BTD: variants seen among roughly 807,000 people sequenced by gnomAD.
BTD encodes biocytinase.
In BTD, 13 loss-of-function variants were observed where a neutral mutation model predicts 17.7. The ratio of observed to expected loss-of-function variants is 0.74; its 90% confidence interval spans 0.48 to 1.17. BTD has a LOEUF of 1.17. BTD is among the 50% of genes most tolerant of loss of function. The pLI is 0.00. For synonymous variants in BTD, 240 were observed against 245.2 expected (o/e 0.98, Z 0.20); for missense variants, 674 against 650.4 (o/e 1.04, Z -0.39).
chr3:15,676,694 C>G, intron 3 of BTD: 1 of 274,188 alleles, frequency 3.6e-6, no homozygotes, highest in South Asian at 4.8e-5. Context: ...ACAGAATACA[C>G]AAAATAGTAC....
At chr3:15,709,826 T>C (rs970891934) in intron 3 of BTD, 21 of 747,542 alleles carry the variant, frequency 2.8e-5, no homozygotes, top group Non-Finnish European at 4.3e-5. Context: ...AGCATGTTTT[T>C]ATATGAAGAT....
chr3:15,665,154 AAC>A (rs1401634039), intron 3 of BTD, among the ~76,000 whole-genome samples: 3 of 152,226 alleles, frequency 2.0e-5, no homozygotes, highest in Non-Finnish European at 2.9e-5. Context: ...AATGAGAAGT[AAC>A]ACAAAAAGAG....
intron 3 of BTD, chr3:15,678,470 G>A: frequency 2.2e-6 from 2 of 918,286 alleles, no homozygotes; most frequent in South Asian, 2.2e-5. Flanking sequence ...GGCTACAAAA[G>A]CACTGCCTGT....
intron 3 of BTD, among the ~76,000 whole-genome samples, chr3:15,692,463 TAAATAAA>T (rs2125847632): frequency 6.6e-6 from 1 of 151,922 alleles, no homozygotes; most frequent in African/African-American, 2.4e-5. Flanking sequence ...ACAGCAAAAA[TAAATAAA>T]AAATAAAAAT....
At chr3:15,721,254 G>C (rs2073693958) in intron 4 of BTD, 4 of 754,604 alleles carry the variant, frequency 5.3e-6, no homozygotes, top group Non-Finnish European at 4.4e-6. Flanking sequence ...GATAAGTACA[G>C]AGATAAGGCT....
rs775790954 is a variant in BTD at position 15,601,912 on chromosome 3, T to TGCGGC, written c.-17+23_-17+27dup. 19 of 1,612,962 alleles carry TGCGGC rather than the reference T, an allele frequency of 1.2e-5. No individual in the cohort carries two copies. The Admixed American group carries it at 3.2e-4, about 27-fold the overall frequency. ...AAGAGCAGGTACGGAGGGGGCGTGG[T>TGCGGC]GCGGCGCGGAGGGGGTGTGGTAAGG... On this transcript the variant is annotated intron_variant, in intron 1 of 3. Coordinates refer to ENST00000643237, the MANE Select transcript of BTD (RefSeq NM_001370658.1).
intron 1 of BTD, chr3:15,631,526 T>C (rs1163133765): frequency 6.7e-7 from 1 of 1,484,484 alleles, no homozygotes; most frequent in African/African-American, 1.4e-5. Context: ...TGTAAAAATA[T>C]CTAGTGATTG....
chr3:15,619,497 C>G (rs62240760), intron 1 of BTD, among the ~76,000 whole-genome samples: 6 of 152,142 alleles, frequency 3.9e-5, no homozygotes, highest in Non-Finnish European at 7.4e-5. Context: ...ACCTTTCATA[C>G]CTGAGATAAA....
In BTD at chr3:15,635,015, A is replaced by AGTGTGTTT. The variant is rs58679283; in HGVS notation, c.-16-407_-16-406insGTGTTTGT. Among the ~76,000 whole-genome samples the AGTGTGTTT allele has an allele frequency of 0.37, 55,564 of 151,782 alleles. 11,650 individuals carry two copies. The highest frequency in any genetic ancestry group is 0.58 in the African/African-American group (24,052 of 41,314). On this transcript the variant is annotated intron_variant, in intron 1 of 3. Coordinates refer to ENST00000643237, the MANE Select transcript of BTD (RefSeq NM_001370658.1). The surrounding 1 kb of genome is among the most constrained non-coding windows in gnomAD (Gnocchi z 4.1). ...CAGACATTACGGATGGCTGACCTGT[A>AGTGTGTTT]GTATGGATAGAGGGCAGAGGGTAGA... is the stretch of plus-strand genomic sequence containing the variant.
intron 3 of BTD, among the ~76,000 whole-genome samples, chr3:15,689,406 T>C (rs1354680018): frequency 6.6e-6 from 1 of 152,214 alleles, no homozygotes; most frequent in East Asian, 1.9e-4. Context: ...GCAGCCATCA[T>C]CAAAAGATGA....
rs2065703776 is a variant in BTD at position 15,646,770 on chromosome 3, A to C, written c.*1282A>C. 1 of 152,210 alleles carries C rather than the reference A, an allele frequency of 6.6e-6. No homozygotes were observed. Among genetic ancestry groups the C allele is most frequent in the African/African-American group, 2.4e-5 (1 of 41,442 alleles). The allele number at this position is 152,210 out of a possible 1,614,324, so 9.4% of individuals were successfully genotyped here. On this transcript the variant is annotated 3_prime_UTR_variant, in exon 4 of 4. Coordinates refer to ENST00000643237, the MANE Select transcript of BTD (RefSeq NM_001370658.1). ...AGTTATTTTAAACAGTATATGCTTAAACATCACACGATTTTATAAAGCAAG... is the reference window on the plus strand; with the variant it reads ...AGTTATTTTAAACAGTATATGCTTACACATCACACGATTTTATAAAGCAAG...
Position 15,645,926 on chromosome 3 carries a change from C to T in BTD, c.*438C>T, listed in dbSNP as rs1195111421. The T allele has an allele frequency of 6.6e-6, 1 of 152,654 alleles. No individual in the cohort carries two copies. 9.5% of individuals were successfully genotyped at this position (152,654 alleles called of 1,614,324 possible). On this transcript the variant is annotated 3_prime_UTR_variant, in exon 4 of 4. Coordinates refer to ENST00000643237, the MANE Select transcript of BTD (RefSeq NM_001370658.1). ...CTTAAACATTTCCTGAGGTAAGAAA[C>T]AAGCTCTCAAAGCAAAAGCTCAATT... is the stretch of plus-strand genomic sequence containing the variant.
upstream of BTD, chr3:15,601,533 G>A (rs775751949): frequency 5.6e-6 from 9 of 1,607,646 alleles, no homozygotes; most frequent in South Asian, 2.2e-5. Context: ...AGGCAAACGC[G>A]AAATCGGCAG....
intron 4 of BTD, among the ~76,000 whole-genome samples, chr3:15,718,721 C>A (rs569730868): frequency 6.6e-6 from 1 of 152,208 alleles, no homozygotes; most frequent in East Asian, 1.9e-4. Context: ...GGTAAAGTTC[C>A]GTAATTTCCA....
rs1046696382 is a variant in BTD at position 15,648,759 on chromosome 3, A to G, written c.*3271A>G. Among the ~76,000 whole-genome samples, 1 of 152,250 alleles carries G rather than the reference A, an allele frequency of 6.6e-6. No individual in the cohort carries two copies. The highest frequency in any genetic ancestry group is 1.5e-5 in the Non-Finnish European group (1 of 68,048). Reference sequence around the variant, plus strand: ...GGGTCTTTGCAGATGCAATGAAGATATAAGTTAAAATGAGATCACACTAGA... The same window carrying G: ...GGGTCTTTGCAGATGCAATGAAGATGTAAGTTAAAATGAGATCACACTAGA... On this transcript the variant is annotated 3_prime_UTR_variant, in exon 4 of 4. Coordinates refer to ENST00000643237, the MANE Select transcript of BTD (RefSeq NM_001370658.1).
intron 3 of BTD, chr3:15,670,516 C>T: frequency 6.2e-7 from 1 of 1,613,884 alleles, no homozygotes; most frequent in Middle Eastern, 1.6e-4. Context: ...GGCAATCAGC[C>T]ACATCCTTAT....
chr3:15,601,509 G>A, upstream of BTD: 1 of 1,609,624 alleles, frequency 6.2e-7, no homozygotes, highest in Non-Finnish European at 8.5e-7. Context: ...GCAAACAAGC[G>A]GAATCATCCA....
exon 4 of BTD, among the ~76,000 whole-genome samples, chr3:15,711,865 AT>A (rs35787947): frequency 4.7e-5 from 7 of 147,642 alleles, no homozygotes; most frequent in African/African-American, 1.3e-4. Context: ...TTTTTTTTGT[AT>A]TTTTTTTTTA....
At chr3:15,630,943 A>C (rs1241238693) in intron 1 of BTD, among the ~76,000 whole-genome samples, 5 of 152,216 alleles carry the variant, frequency 3.3e-5, no homozygotes, top group Non-Finnish European at 7.3e-5. Flanking sequence ...CAGCACACTC[A>C]GATGTGACAA....
Sources: allele counts gnomAD v4.1 joint callset (sites outside exome capture counted in the v4.1 genomes callset), GRCh38; gene constraint gnomAD v4.1.1; non-coding constraint Gnocchi (gnomAD v3.1); transcripts MANE v1.5; gene names NCBI Gene and HGNC (gene_info 2026-07-23, HGNC 2026-07-21).